Variants in SLC4A10 observed in about 807,000 individuals in gnomAD.
The protein encoded by SLC4A10 is solute carrier family 4 member 10, also known as sodium-driven chloride bicarbonate exchanger.
In SLC4A10, 42 loss-of-function variants were observed where a neutral mutation model predicts 137.7. The observed-to-expected ratio is 0.30, with a 90% CI of 0.24 to 0.39. The LOEUF (loss-of-function observed/expected upper bound fraction) is 0.39, where lower values mean the gene tolerates loss of function less well. Among genes scored for constraint, SLC4A10 ranks in the 10% least tolerant of loss-of-function variants. The pLI, the probability that SLC4A10 is intolerant of heterozygous loss-of-function variation, is 1.00. For synonymous variants in SLC4A10, 474 were observed against 464.1 expected (o/e 1.02, Z -0.27); for missense variants, 925 against 1,355.0 (o/e 0.68, Z 4.98).
chr2:161,981,293 T>C (rs1472586610), intron 26 of SLC4A10, among the ~76,000 whole-genome samples: 1 of 152,222 alleles, frequency 6.6e-6, no homozygotes, highest in African/African-American at 2.4e-5. Context: ...CCAGTATATC[T>C]CTGTCCTACA....
At chr2:161,911,813 T>C (rs1685923470) in intron 15 of SLC4A10, among the ~76,000 whole-genome samples, 1 of 152,114 alleles carries the variant, frequency 6.6e-6, no homozygotes, top group African/African-American at 2.4e-5. Flanking sequence ...ATTTCACATA[T>C]AGTTTCCCCC....
chr2:161,967,741 T>C (rs1697851224), intron 23 of SLC4A10, among the ~76,000 whole-genome samples: 1 of 152,190 alleles, frequency 6.6e-6, no homozygotes, highest in Non-Finnish European at 1.5e-5. Context: ...AGTTAGAAGT[T>C]TGGTGATGTT....
intron 1 of SLC4A10, among the ~76,000 whole-genome samples, chr2:161,674,284 G>A (rs926820678): frequency 6.6e-6 from 1 of 152,112 alleles, no homozygotes; most frequent in African/African-American, 2.4e-5. Flanking sequence ...ATCTGTAAAT[G>A]GGATAAAAAT....
intron 1 of SLC4A10, among the ~76,000 whole-genome samples, chr2:161,702,887 T>C (rs1342227897): frequency 6.6e-6 from 1 of 151,844 alleles, no homozygotes. Context: ...TTGTTGTTAC[T>C]GTTAGAAAAC....
chr2:161,714,469 G>T lies in SLC4A10; in HGVS notation c.49-56504G>T, dbSNP rs79786430. Among the ~76,000 whole-genome samples the T allele has an allele frequency of 1.8e-4, 28 of 152,000 alleles. No individual in the cohort carries two copies. The East Asian group carries it at 5.0e-3, about 27-fold the overall frequency. On this transcript the variant is annotated intron_variant, in intron 1 of 26. Transcript: ENST00000446997. ...GGCAATATGGGAAGATTAATAAGAAGAATAAGTTAAGGGAGAATTCAATAT... is the reference window on the plus strand; with the variant it reads ...GGCAATATGGGAAGATTAATAAGAATAATAAGTTAAGGGAGAATTCAATAT...
chr2:161,726,997 C>G (rs1362377095), intron 1 of SLC4A10, among the ~76,000 whole-genome samples: 1 of 152,216 alleles, frequency 6.6e-6, no homozygotes, highest in African/African-American at 2.4e-5. Flanking sequence ...TACTCTTTCT[C>G]CTCACTTCAG....
chr2:161,726,284 A>T (rs938796751), intron 1 of SLC4A10, among the ~76,000 whole-genome samples: 1 of 152,176 alleles, frequency 6.6e-6, no homozygotes, highest in Admixed American at 6.5e-5. Flanking sequence ...TACTCTGAAA[A>T]CATAGTAGAA....
chr2:161,684,225 C>G (rs1261185144), intron 1 of SLC4A10, among the ~76,000 whole-genome samples: 1 of 152,106 alleles, frequency 6.6e-6, no homozygotes, highest in Non-Finnish European at 1.5e-5. Context: ...AATTTCATTT[C>G]TTTTTAAGGC....
At chr2:161,863,741 G>T (rs1462962032) in intron 6 of SLC4A10, among the ~76,000 whole-genome samples, 3 of 152,028 alleles carry the variant, frequency 2.0e-5, no homozygotes, top group Non-Finnish European at 4.4e-5. Flanking sequence ...TGTCTTTCCT[G>T]TATTTTTTGT....
rs148742116 is a variant in SLC4A10, at chr2:161,888,400, C to T, written c.1194+5956C>T. Among the ~76,000 whole-genome samples, 417 of 152,128 alleles carry T rather than the reference C, an allele frequency of 2.7e-3. 4 individuals are homozygous for T. The highest frequency in any genetic ancestry group is 0.017 in the East Asian group (88 of 5,140). ...ACTTTGGGCAGTATGGCCATTTTCA[C>T]GATATTGATTCTTCCTATCCATGAG... On this transcript the variant is annotated intron_variant, in intron 10 of 26. Coordinates refer to ENST00000446997, the MANE Select transcript of SLC4A10 (RefSeq NM_001178015.2).
At chr2:161,673,237 A>G (rs1194302036) in intron 1 of SLC4A10, among the ~76,000 whole-genome samples, 3 of 152,112 alleles carry the variant, frequency 2.0e-5, no homozygotes, top group African/African-American at 7.2e-5. Flanking sequence ...TGACCCTGGG[A>G]TTTTAGTTTC....
intron 1 of SLC4A10, among the ~76,000 whole-genome samples, chr2:161,715,167 C>G (rs1406706749): frequency 6.6e-6 from 1 of 151,848 alleles, no homozygotes; most frequent in East Asian, 1.9e-4. Flanking sequence ...AGTTTCAAAC[C>G]CAGAAAGTCT....
At chr2:161,971,349 AT>A (rs148253410) in intron 23 of SLC4A10, among the ~76,000 whole-genome samples, 4,455 of 152,302 alleles carry the variant, frequency 0.029, 97 homozygotes, top group South Asian at 0.077. Flanking sequence ...AAAAGGTGGC[AT>A]TTAAATCATA....
chr2:161,958,773 T>C (rs1696108046), intron 21 of SLC4A10, among the ~76,000 whole-genome samples: 1 of 152,214 alleles, frequency 6.6e-6, no homozygotes, highest in African/African-American at 2.4e-5. Flanking sequence ...CATAAGTATA[T>C]TAAAACTGTA....
chr2:161,862,783 T>C, intron 5 of SLC4A10, 91 bp from the exon 6 acceptor site: 3 of 954,834 alleles, frequency 3.1e-6, no homozygotes, highest in Non-Finnish European at 4.3e-6. Context: ...TAATATTGTT[T>C]AGGGCTTGCA....
At chr2:161,880,175 G>T (rs559587442) in intron 9 of SLC4A10, among the ~76,000 whole-genome samples, 2 of 151,978 alleles carry the variant, frequency 1.3e-5, no homozygotes, top group African/African-American at 2.4e-5. Flanking sequence ...TTAGGGCCCC[G>T]TTCCCATATG....
At chr2:161,758,771 T>C (rs2049941178) in intron 1 of SLC4A10, among the ~76,000 whole-genome samples, 1 of 151,960 alleles carries the variant, frequency 6.6e-6, no homozygotes, top group African/African-American at 2.4e-5. Flanking sequence ...CATCCCCTTC[T>C]TACAATTGAC....
At chr2:161,641,584 T>C (rs919038254) in intron 1 of SLC4A10, among the ~76,000 whole-genome samples, 1 of 152,122 alleles carries the variant, frequency 6.6e-6, no homozygotes, top group Non-Finnish European at 1.5e-5. Context: ...TCACATTCAT[T>C]ATTGTATTGT....
intron 15 of SLC4A10, among the ~76,000 whole-genome samples, chr2:161,907,477 G>C (rs1684712211): frequency 6.6e-6 from 1 of 152,194 alleles, no homozygotes. Context: ...TAGGTGCTAG[G>C]AAAACCATGG....
Sources: gnomAD v4.1 joint callset for allele counts (sites outside exome capture counted in the v4.1 genomes callset) on GRCh38, gnomAD v4.1.1 for gene constraint, MANE v1.5 for transcripts, NCBI Gene and HGNC (gene_info 2026-07-23, HGNC 2026-07-21) for gene names.